Variants in MRPS16 observed in about 807,000 individuals in gnomAD.
The protein encoded by MRPS16 is mitochondrial ribosomal protein S16, also known as small ribosomal subunit protein bS16m.
A neutral mutation model predicts 11.0 loss-of-function variants in MRPS16; 5 were observed. The ratio of observed to expected loss-of-function variants is 0.46; its 90% CI spans 0.24 to 0.96. MRPS16 has a LOEUF of 0.96. MRPS16 is among the 40% of genes least tolerant of loss of function. The pLI is 0.20. For synonymous variants in MRPS16, 76 were observed against 65.0 expected (o/e 1.17, Z -0.81); for missense variants, 179 against 174.4 (o/e 1.03, Z -0.15).
rs1178811567 is a variant in MRPS16 at position 73,252,441 on chromosome 10, G to C, written c.13+29C>G. ...AACTCCCGAGCCCCGTGACCGCCCG[G>C]AACGTCTCGCGGTGGCCCGATGACT... On this transcript the variant is annotated intron_variant, in intron 1 of 2. Transcript: ENST00000372945. 5 of 1,609,200 alleles carry C rather than the reference G, an allele frequency of 3.1e-6. No individual in the cohort carries two copies. The Admixed American group carries it at 8.3e-5, about 27-fold the overall frequency.
chr10:73,251,093 A>G (rs1224683297), intron 2 of MRPS16, 102 bp from the exon 3 acceptor site: 1 of 1,384,212 alleles, frequency 7.2e-7, no homozygotes, highest in African/African-American at 1.4e-5. Context: ...GACCCAGTGC[A>G]TGGATGCAAA....
Position 73,250,115 on chromosome 10 carries a change from G to A in MRPS16, c.*737C>T, listed in dbSNP as rs2044067216. On this transcript the variant is annotated 3_prime_UTR_variant, in exon 3 of 3. Coordinates refer to ENST00000372945, the MANE Select transcript of MRPS16 (RefSeq NM_016065.4). ...CCCAGCTACTCCTGGGACTACTCGG[G>A]AGGCTGAAGCAGGAGAATGGCATGA... 6.6e-6 allele frequency: 1 copy of A among 152,136 alleles called. No individual in the cohort carries two copies. Among genetic ancestry groups the A allele is most frequent in the African/African-American group, 2.4e-5 (1 of 41,328 alleles). The allele number at this position is 152,136 out of a possible 1,614,324, so 9.4% of individuals were successfully genotyped here. A position where few individuals can be genotyped will look rare whatever the true frequency, so the allele number is the denominator to read the frequency against.
chr10:73,252,379 C>G, intron 1 of MRPS16, 91 bp downstream of exon 1: 1 of 1,572,554 alleles, frequency 6.4e-7, no homozygotes, highest in South Asian at 1.1e-5. Context: ...CGGGTTGCCT[C>G]CATCGCGCCT....
At position 73,251,754 on chromosome 10, in the gene MRPS16, C is replaced by T; in HGVS notation, c.274+9G>A. 1 of 1,614,196 alleles carries T rather than the reference C, an allele frequency of 6.2e-7. No homozygotes were observed. Among genetic ancestry groups the T allele is most frequent in the Non-Finnish European group, 8.5e-7 (1 of 1,180,036 alleles). ...TCCCCTCAATAAGGTAAGACCAGAGCTGAGTTACCCAGAAGCTTTTCCATA... is the reference window on the plus strand; with the variant it reads ...TCCCCTCAATAAGGTAAGACCAGAGTTGAGTTACCCAGAAGCTTTTCCATA... On this transcript the variant is annotated intron_variant, in intron 2 of 2. Transcript: ENST00000372945.
Position 73,250,700 on chromosome 10 carries a change from C to G in MRPS16, c.*152G>C. ...TAAGTCACACAAGAACAAATCTCTC[C>G]CTGGGCCCTGTGCAGGCCAGGCCAG... On this transcript the variant is annotated 3_prime_UTR_variant, in exon 3 of 3. Transcript: ENST00000372945. 1 of 1,012,006 alleles carries G rather than the reference C, an allele frequency of 9.9e-7. No homozygotes were observed. Among genetic ancestry groups the G allele is most frequent in the South Asian group, 1.3e-5 (1 of 76,216 alleles). The allele number at this position is 1,012,006 out of a possible 1,614,324, so 62.7% of individuals were successfully genotyped here.
At position 73,249,012 on chromosome 10, in the gene MRPS16, G is replaced by A. The variant is rs2044050365; in HGVS notation, c.*1840C>T. 1 of 588,056 alleles carries A rather than the reference G, an allele frequency of 1.7e-6. No individual in the cohort carries two copies. The highest frequency in any genetic ancestry group is 3.3e-6 in the Non-Finnish European group (1 of 306,706). The allele number at this position is 588,056 out of a possible 1,614,324, so 36.4% of individuals were successfully genotyped here. On this transcript the variant is annotated 3_prime_UTR_variant, in exon 3 of 3. Coordinates refer to ENST00000372945, the MANE Select transcript of MRPS16 (RefSeq NM_016065.4). ...CAGTTCACTGCAGCATCGGCCTCCT[G>A]GGCTCAAGTGATCTTACTGCCTCAG...
rs1341433825 is a variant in MRPS16, at chr10:73,248,999, G to C, written c.*1853C>G. 1.7e-6 allele frequency: 1 copy of C among 577,716 alleles called. No individual in the cohort carries two copies. Among genetic ancestry groups the C allele is most frequent in the Non-Finnish European group, 3.3e-6 (1 of 299,362 alleles). 35.8% of individuals were successfully genotyped at this position (577,716 alleles called of 1,614,324 possible). On this transcript the variant is annotated 3_prime_UTR_variant, in exon 3 of 3. Coordinates refer to ENST00000372945, the MANE Select transcript of MRPS16 (RefSeq NM_016065.4). ...AGTGGAACAATCACAGTTCACTGCA[G>C]CATCGGCCTCCTGGGCTCAAGTGAT...
chr10:73,251,687 C>A, intron 2 of MRPS16, 76 bp downstream of exon 2: 1 of 1,604,542 alleles, frequency 6.2e-7, no homozygotes. Context: ...AGCCGAAAAT[C>A]ATTCTTACAC....
In MRPS16 at chr10:73,251,998, A is replaced by G. The variant is rs1489023970; in HGVS notation, c.39T>C (p.Arg13=). The G allele has an allele frequency of 1.2e-6, 2 of 1,613,984 alleles. No homozygotes were observed. The change falls in exon 2 of 3, where the codon CGT becomes CGC. Residue 13 remains arginine (R), a synonymous_variant. Coordinates refer to ENST00000372945, the MANE Select transcript of MRPS16 (RefSeq NM_016065.4). ...CAAGGCGGATGGTTAAGTGGCCCCCACGGTAGGCCTTGCAGAGGAGAGTAG... is the reference window on the plus strand; with the variant it reads ...CAAGGCGGATGGTTAAGTGGCCCCCGCGGTAGGCCTTGCAGAGGAGAGTAG... ...HLTTLLCKAY[R]GGHLTIRLAL... is the part of the protein sequence containing the mutation.
Position 73,251,747 on chromosome 10 carries a change from A to C in MRPS16, c.274+16T>G. On this transcript the variant is annotated intron_variant, in intron 2 of 2. Coordinates refer to ENST00000372945, the MANE Select transcript of MRPS16 (RefSeq NM_016065.4). ...TTTAAAATCCCCTCAATAAGGTAAG[A>C]CCAGAGCTGAGTTACCCAGAAGCTT... 2.5e-6 allele frequency: 4 copies of C among 1,614,134 alleles called. No homozygotes were observed. Among genetic ancestry groups the C allele is most frequent in the Non-Finnish European group, 3.4e-6 (4 of 1,180,022 alleles).
In MRPS16 at chr10:73,252,491, C is replaced by A; in HGVS notation, c.-9G>T. ...TCACTGAGGTGGACCATGGTGCCGCCGGCGTGCGGCTCCTCGGAGAGCCCC... is the reference window on the plus strand; with the variant it reads ...TCACTGAGGTGGACCATGGTGCCGCAGGCGTGCGGCTCCTCGGAGAGCCCC... On this transcript the variant is annotated 5_prime_UTR_variant, in exon 1 of 3. Transcript: ENST00000372945. 6.2e-7 allele frequency: 1 copy of A among 1,607,856 alleles called. No individual in the cohort carries two copies.
At chr10:73,251,083 G>A in intron 2 of MRPS16, 92 bp from the exon 3 acceptor site, 2 of 1,465,300 alleles carry the variant, frequency 1.4e-6, no homozygotes, top group East Asian at 2.3e-5. Flanking sequence ...TCTGAGATCT[G>A]ACCCAGTGCA....
At position 73,249,409 on chromosome 10, in the gene MRPS16, T is replaced by C; in HGVS notation, c.*1443A>G. ...TCAAACTATAAAGATCCCTTATAGATTACTGGCATCAAGGTAGGAAGGAAA... is the reference window on the plus strand; with the variant it reads ...TCAAACTATAAAGATCCCTTATAGACTACTGGCATCAAGGTAGGAAGGAAA... On this transcript the variant is annotated 3_prime_UTR_variant, in exon 3 of 3. Coordinates refer to ENST00000372945, the MANE Select transcript of MRPS16 (RefSeq NM_016065.4). 7.8e-7 allele frequency: 1 copy of C among 1,279,130 alleles called. No individual in the cohort carries two copies. Among genetic ancestry groups the C allele is most frequent in the African/African-American group, 1.5e-5 (1 of 66,632 alleles). The allele number at this position is 1,279,130 out of a possible 1,614,324, so 79.2% of individuals were successfully genotyped here. A position where few individuals can be genotyped will look rare whatever the true frequency, so the allele number is the denominator to read the frequency against.
chr10:73,251,698 C>T lies in MRPS16; in HGVS notation c.274+65G>A, dbSNP rs2044101398. On this transcript the variant is annotated intron_variant, in intron 2 of 2. Coordinates refer to ENST00000372945, the MANE Select transcript of MRPS16 (RefSeq NM_016065.4). ...GCCCAGCCGAAAATCATTCTTACAC[C>T]TACTGTCCTGGAGCTGACTTCAGTT... is the stretch of plus-strand genomic sequence containing the variant. 3.7e-6 allele frequency: 6 copies of T among 1,608,534 alleles called. No individual in the cohort carries two copies. In the South Asian group the frequency reaches 4.4e-5, roughly 12 times the overall value.
In MRPS16 at chr10:73,252,463, G is replaced by A; in HGVS notation, c.13+7C>T. ...CCGGAACGTCTCGCGGTGGCCCGAT[G>A]ACTCACTGAGGTGGACCATGGTGCC... is the stretch of plus-strand genomic sequence containing the variant. On this transcript the variant is annotated splice_region_variant and intron_variant, in intron 1 of 2. Coordinates refer to ENST00000372945, the MANE Select transcript of MRPS16 (RefSeq NM_016065.4). 6.2e-7 allele frequency: 1 copy of A among 1,609,428 alleles called. No individual in the cohort carries two copies. The highest frequency in any genetic ancestry group is 8.5e-7 in the Non-Finnish European group (1 of 1,179,848).
At chr10:73,252,165 G>A in intron 1 of MRPS16, 142 bp from the exon 2 acceptor site, 1 of 1,325,282 alleles carries the variant, frequency 7.5e-7, no homozygotes, top group Non-Finnish European at 1.0e-6. Flanking sequence ...ACTCTTCTTT[G>A]TGAAACCCCT....
In MRPS16 at chr10:73,248,908, T is replaced by C. The variant is rs1407529192; in HGVS notation, c.*1944A>G. The C allele has an allele frequency of 4.9e-6, 2 of 407,600 alleles. No individual in the cohort carries two copies. The highest frequency in any genetic ancestry group is 1.0e-5 in the Non-Finnish European group (2 of 199,898). 25.2% of individuals were successfully genotyped at this position (407,600 alleles called of 1,614,324 possible). A position where few individuals can be genotyped will look rare whatever the true frequency, so the allele number is the denominator to read the frequency against. ...ATTTTCAAAAACCAGAAAATCAAAT[T>C]ATTATGCTCTAGCCAAATTATGTAA... On this transcript the variant is annotated 3_prime_UTR_variant, in exon 3 of 3. Coordinates refer to ENST00000372945, the MANE Select transcript of MRPS16 (RefSeq NM_016065.4).
At position 73,252,600 on chromosome 10, in the gene MRPS16, C is replaced by G; in HGVS notation, c.-118G>C. The G allele has an allele frequency of 6.9e-7, 1 of 1,458,228 alleles. No individual in the cohort carries two copies. The highest frequency in any genetic ancestry group is 2.5e-5 in the East Asian group (1 of 39,774). The allele number at this position is 1,458,228 out of a possible 1,614,324, so 90.3% of individuals were successfully genotyped here. ...ACCTGCAAGCCGACACCAGGCCGCA[C>G]CGCCAAGCGGTACAAGCCCGAAAAC... is the stretch of plus-strand genomic sequence containing the variant. On this transcript the variant is annotated 5_prime_UTR_variant, in exon 1 of 3. Transcript: ENST00000372945.
chr10:73,250,970 A>G lies in MRPS16; in HGVS notation c.296T>C (p.Leu99Pro), dbSNP rs1394627428. 6.2e-7 allele frequency: 1 copy of G among 1,614,208 alleles called. No individual in the cohort carries two copies. The highest frequency in any genetic ancestry group is 1.1e-5 in the South Asian group (1 of 91,082). ...KLLGLAGFFP[L>P]HPMMITNAER... ...AGCATTTGTGATCATCATAGGATGC[A>G]GAGGGAAAAAGCCAGCAAGACCTAA... Residue 99 changes from leucine to proline, a missense_variant, in exon 3 of 3, where the codon CTG (leucine) becomes CCG (proline). Physicochemically the swap from Leu to Pro is moderately conservative, Grantham distance 98 (BLOSUM62 -3). Coordinates refer to ENST00000372945, the MANE Select transcript of MRPS16 (RefSeq NM_016065.4).
Sources: allele counts gnomAD v4.1 joint callset, GRCh38; gene constraint gnomAD v4.1.1; transcripts MANE v1.5; gene names NCBI Gene and HGNC (gene_info 2026-07-23, HGNC 2026-07-21).